Variants in NEBL observed in about 807,000 individuals in gnomAD.
NEBL encodes LIM and SH3 protein 2.
A neutral mutation model predicts 140.2 loss-of-function variants in NEBL; 122 were observed. That is an observed-to-expected ratio of 0.87 (90% CI 0.75 to 1.01). NEBL has a LOEUF of 1.01. Ranked by LOEUF, NEBL falls within the 50% of genes least tolerant of loss-of-function variation. The probability of loss-of-function intolerance (pLI) is 0.00; values close to 1 mark genes in which losing one functional copy is unlikely to be tolerated. For synonymous variants in NEBL, 436 were observed against 398.9 expected, an observed-to-expected ratio of 1.09 and a Z score of -1.11; for missense variants, 1,365 against 1,231.3, an observed-to-expected ratio of 1.11 and a Z score of -1.62.
At chr10:21,247,238 G>C (rs1842529178) in intron 3 of NEBL, among the ~76,000 whole-genome samples, 1 of 152,112 alleles carries the variant, frequency 6.6e-6, no homozygotes, top group Admixed American at 6.6e-5. Flanking sequence ...AGCAGTGTGA[G>C]AACAGACTAA....
rs1414300061 is a variant in NEBL, at chr10:20,809,659, T to C, written c.2611+147A>G. 13 of 671,934 alleles carry C rather than the reference T, an allele frequency of 1.9e-5. No homozygotes were observed. The East Asian group carries it at 2.7e-4, about 14-fold the overall frequency. 41.6% of individuals were successfully genotyped at this position (671,934 alleles called of 1,614,324 possible). A position where few individuals can be genotyped will look rare whatever the true frequency, so the allele number is the denominator to read the frequency against. On this transcript the variant is annotated intron_variant, in intron 25 of 27. Transcript: ENST00000377122. Reference sequence around the variant, plus strand: ...TTCTTTTCATAAATGACTAATTGTATTTAAAAGTAGCATAGCATTTTTTTG... The same window carrying C: ...TTCTTTTCATAAATGACTAATTGTACTTAAAAGTAGCATAGCATTTTTTTG...
chr10:20,839,732 C>T (rs1841232398), intron 13 of NEBL, among the ~76,000 whole-genome samples: 1 of 152,142 alleles, frequency 6.6e-6, no homozygotes, highest in Non-Finnish European at 1.5e-5. Context: ...CCCCCAATCC[C>T]AGACACAATG....
chr10:20,886,793 G>T (rs549695403), intron 4 of NEBL, among the ~76,000 whole-genome samples: 2 of 152,106 alleles, frequency 1.3e-5, no homozygotes, highest in Non-Finnish European at 2.9e-5. Context: ...ATAAATACAC[G>T]TGAAATGCAT....
chr10:21,012,664 T>C (rs1251730190), intron 3 of NEBL, among the ~76,000 whole-genome samples: 1 of 152,194 alleles, frequency 6.6e-6, no homozygotes, highest in East Asian at 1.9e-4. Flanking sequence ...TAAGCTACTG[T>C]GCCCAGCCTG....
intron 4 of NEBL, among the ~76,000 whole-genome samples, chr10:20,924,244 A>G (rs903384054): frequency 1.3e-5 from 2 of 151,942 alleles, no homozygotes; most frequent in Non-Finnish European, 2.9e-5. Flanking sequence ...TGTATAATAC[A>G]CAGCCCAAGA....
At chr10:21,282,849 G>T (rs564375852) in intron 1 of NEBL, among the ~76,000 whole-genome samples, 2 of 152,306 alleles carry the variant, frequency 1.3e-5, no homozygotes, top group Admixed American at 6.5e-5. Context: ...AATAGGCAGG[G>T]CGCAGTGGCT....
intron 2 of NEBL, among the ~76,000 whole-genome samples, chr10:21,155,219 G>A (rs981890063): frequency 3.9e-5 from 6 of 152,096 alleles, no homozygotes; most frequent in African/African-American, 1.4e-4. Flanking sequence ...AAATTTTTTA[G>A]TAATCACATC....
intron 3 of NEBL, among the ~76,000 whole-genome samples, chr10:21,183,534 T>A (rs917721835): frequency 6.6e-6 from 1 of 152,136 alleles, no homozygotes; most frequent in Non-Finnish European, 1.5e-5. Context: ...ACCAAGAGTC[T>A]GGAAAAAATC....
chr10:21,242,427 C>A (rs138686790), intron 3 of NEBL, among the ~76,000 whole-genome samples: 1 of 151,966 alleles, frequency 6.6e-6, no homozygotes, highest in East Asian at 1.9e-4. Context: ...TGAAAATACA[C>A]GGACACAAAG....
intron 2 of NEBL, among the ~76,000 whole-genome samples, chr10:21,097,219 C>T (rs991449159): frequency 4.6e-5 from 4 of 87,114 alleles, no homozygotes; most frequent in African/African-American, 2.4e-4. Context: ...TTGGGAGGTC[C>T]GGGGGGGGGG....
chr10:21,021,608 G>T (rs1406277023), intron 2 of NEBL, among the ~76,000 whole-genome samples: 3 of 152,058 alleles, frequency 2.0e-5, no homozygotes, highest in Non-Finnish European at 4.4e-5. Flanking sequence ...TATTTTTCAG[G>T]TCTTGCCTTA....
At chr10:21,125,808 G>T (rs776263609) in intron 2 of NEBL, 3 of 1,569,204 alleles carry the variant, frequency 1.9e-6, no homozygotes, top group East Asian at 2.2e-5. Context: ...GTATAAGACA[G>T]TGTCCTTCAG....
rs1847355216 is a variant in NEBL at position 20,894,977 on chromosome 10, T to G, written c.153+1981A>C. On this transcript the variant is annotated intron_variant, in intron 2 of 27. Coordinates refer to ENST00000377122, the MANE Select transcript of NEBL (RefSeq NM_006393.3). Reference sequence around the variant, plus strand: ...TAAGGCAGAATAATCATGTCCTAAATTTAAGTAGTACATTCTACCATGCCA... The same window carrying G: ...TAAGGCAGAATAATCATGTCCTAAAGTTAAGTAGTACATTCTACCATGCCA... Among the ~76,000 whole-genome samples, 3 of 149,730 alleles carry G rather than the reference T, an allele frequency of 2.0e-5. No individual in the cohort carries two copies. In the South Asian group the frequency reaches 6.4e-4, roughly 32 times the overall value.
intron 26 of NEBL, among the ~76,000 whole-genome samples, chr10:20,801,202 A>G (rs1335695965): frequency 1.3e-5 from 2 of 150,860 alleles, no homozygotes; most frequent in Non-Finnish European, 3.0e-5. Context: ...AATTTTATTT[A>G]TTTTTATTTT....
In NEBL at chr10:21,039,060, G is replaced by GT. The variant is rs57149647; in HGVS notation, c.165-18860dup. Among the ~76,000 whole-genome samples the GT allele has an allele frequency of 2.7e-3, 265 of 99,418 alleles. 2 individuals are homozygous for GT. The highest frequency in any genetic ancestry group is 0.015 in the Middle Eastern group (2 of 134). 65.2% of individuals were successfully genotyped at this position (99,418 alleles called of 152,430 possible). A position where few individuals can be genotyped will look rare whatever the true frequency, so the allele number is the denominator to read the frequency against. On this transcript the variant is annotated intron_variant, in intron 2 of 6. Transcript: ENST00000417816. ...CCTTCGTCCACTTTTTGATGGGGCT[G>GT]TTTTTTTTTTTTTTTTTTTTTTTTT...
In NEBL at chr10:20,780,883, T is replaced by G. The variant is rs1834994725; in HGVS notation, c.*4864A>C. On this transcript the variant is annotated 3_prime_UTR_variant, in exon 28 of 28. Coordinates refer to ENST00000377122, the MANE Select transcript of NEBL (RefSeq NM_006393.3). ...GTAGTTTCAATAGATAAATCGGTGA[T>G]TTGCTTTTAAACAAATATTAATGTT... The G allele has an allele frequency of 6.6e-6, 1 of 152,204 alleles. No homozygotes were observed. The highest frequency in any genetic ancestry group is 1.5e-5 in the Non-Finnish European group (1 of 68,042). 9.4% of individuals were successfully genotyped at this position (152,204 alleles called of 1,614,324 possible).
Position 20,897,227 on chromosome 10 carries a change from T to C in NEBL, c.-22A>G, listed in dbSNP as rs529007538. On this transcript the variant is annotated 5_prime_UTR_variant, in exon 1 of 28. The change creates a new upstream start codon in the 5' untranslated region. Transcript: ENST00000377122. The stretch of plus-strand genomic sequence containing the variant: ...TCATTTTTACCCTTTAAAATATTTA[T>C]ATTTTTAAAATTTACTCATGTGGCG... The C allele has an allele frequency of 1.8e-5, 28 of 1,541,900 alleles. 1 individual carries two copies. In the Middle Eastern group the frequency reaches 8.3e-4, roughly 46 times the overall value.
chr10:20,963,758 A>G (rs892042387), intron 3 of NEBL, among the ~76,000 whole-genome samples: 9 of 152,188 alleles, frequency 5.9e-5, no homozygotes, highest in African/African-American at 2.2e-4. Flanking sequence ...CACAAGACAC[A>G]AAAGAATCAT....
intron 7 of NEBL, among the ~76,000 whole-genome samples, chr10:20,863,107 T>A (rs780125289): frequency 6.6e-6 from 1 of 152,178 alleles, no homozygotes; most frequent in Admixed American, 6.5e-5. Flanking sequence ...ACACGGATAC[T>A]GTTAAGCTAC....
Sources: allele counts gnomAD v4.1 joint callset (sites outside exome capture counted in the v4.1 genomes callset), GRCh38; gene constraint gnomAD v4.1.1; transcripts MANE v1.5; gene names NCBI Gene and HGNC (gene_info 2026-07-23, HGNC 2026-07-21).